TMCO4: variants seen among roughly 807,000 people sequenced by gnomAD.
The protein encoded by TMCO4 is transmembrane and coiled-coil domain-containing protein 4.
A neutral mutation model predicts 64.7 loss-of-function variants in TMCO4; 58 were observed. That is an observed-to-expected ratio of 0.90 (90% confidence interval 0.73 to 1.12). The LOEUF (loss-of-function observed/expected upper bound fraction) is 1.12. TMCO4 is among the 50% of genes most tolerant of loss of function. The probability of loss-of-function intolerance (pLI) is 0.00; values close to 1 mark genes in which losing one functional copy is unlikely to be tolerated. For synonymous variants in TMCO4, 325 were observed against 346.1 expected (o/e 0.94, Z 0.68); for missense variants, 780 against 825.9 (o/e 0.94, Z 0.68).
chr1:19,735,450 G>A (rs1036988733), intron 13 of TMCO4, among the ~76,000 whole-genome samples: 1 of 152,138 alleles, frequency 6.6e-6, no homozygotes, highest in Non-Finnish European at 1.5e-5. Context: ...AGGATCCAGG[G>A]GTGGGAGCAG....
chr1:19,701,204 TC>T (rs34829374), intron 13 of TMCO4: 60,548 of 161,102 alleles, frequency 0.38, 12,471 homozygotes, highest in East Asian at 0.65. Flanking sequence ...GGAGTCTCAC[TC>T]TGTTGCCCCG....
chr1:19,795,313 T>C (rs749492098), intron 2 of TMCO4, among the ~76,000 whole-genome samples: 29 of 151,756 alleles, frequency 1.9e-4, no homozygotes, highest in African/African-American at 5.1e-4. Context: ...CTACTAAAAA[T>C]ACACAAAAAT....
intron 15 of TMCO4, among the ~76,000 whole-genome samples, chr1:19,690,668 G>A (rs1223320559): frequency 1.3e-5 from 2 of 152,168 alleles, no homozygotes; most frequent in Non-Finnish European, 2.9e-5. Context: ...CTGGTCTTGT[G>A]ACTCAGCTTA....
intron 13 of TMCO4, among the ~76,000 whole-genome samples, chr1:19,704,669 G>A (rs987048827): frequency 6.6e-6 from 1 of 152,222 alleles, no homozygotes; most frequent in African/African-American, 2.4e-5. Context: ...GCTAAGAGCT[G>A]GGACTGCTTT....
chr1:19,707,567 G>A (rs1223248953), intron 13 of TMCO4, among the ~76,000 whole-genome samples: 1 of 152,226 alleles, frequency 6.6e-6, no homozygotes, highest in East Asian at 1.9e-4. Context: ...AGATTGCAGT[G>A]AGCAGAGATC....
intron 6 of TMCO4, among the ~76,000 whole-genome samples, chr1:19,765,457 T>C (rs796184281): frequency 7.7e-5 from 2 of 26,098 alleles, no homozygotes; most frequent in African/African-American, 1.3e-3. Context: ...CTAGAGGACA[T>C]TGGAGCCATT....
At chr1:19,702,030 C>T (rs535749068) in intron 13 of TMCO4, among the ~76,000 whole-genome samples, 17 of 152,148 alleles carry the variant, frequency 1.1e-4, no homozygotes, top group Admixed American at 2.0e-4. Flanking sequence ...AGTGCAGTGG[C>T]GCAATCTCGG....
At chr1:19,776,024 C>T (rs897451421) in intron 4 of TMCO4, among the ~76,000 whole-genome samples, 1 of 152,230 alleles carries the variant, frequency 6.6e-6, no homozygotes. Flanking sequence ...TCTTCTACCT[C>T]AGCCACCCAA....
chr1:19,763,970 GATTAAGGGC>G (rs1570944730), intron 6 of TMCO4, among the ~76,000 whole-genome samples: 1 of 152,182 alleles, frequency 6.6e-6, no homozygotes, highest in Non-Finnish European at 1.5e-5. Context: ...GGCTTAGGAC[GATTAAGGGC>G]ATTAAGGCAG....
intron 13 of TMCO4, among the ~76,000 whole-genome samples, chr1:19,708,414 A>C (rs1422945131): frequency 6.6e-6 from 1 of 152,042 alleles, no homozygotes; most frequent in Non-Finnish European, 1.5e-5. Flanking sequence ...AAAAAAAAAA[A>C]ACCCAAGAGC....
At chr1:19,792,277 G>T (rs1053552077) in intron 2 of TMCO4, among the ~76,000 whole-genome samples, 1 of 152,170 alleles carries the variant, frequency 6.6e-6, no homozygotes, top group Non-Finnish European at 1.5e-5. Context: ...GAATAACAGG[G>T]CAAACCCATG....
At chr1:19,781,850 G>A (rs2043501174) in intron 3 of TMCO4, among the ~76,000 whole-genome samples, 1 of 152,086 alleles carries the variant, frequency 6.6e-6, no homozygotes. Context: ...GTTTCACTGT[G>A]TTAGCCAGGA....
chr1:19,770,069 A>AT (rs1157752752), intron 6 of TMCO4, among the ~76,000 whole-genome samples: 4 of 152,180 alleles, frequency 2.6e-5, no homozygotes, highest in South Asian at 2.1e-4. Context: ...AGAGGGGCTG[A>AT]TTTTTTTCTC....
intron 13 of TMCO4, among the ~76,000 whole-genome samples, chr1:19,703,499 TTTC>T (rs1348274978): frequency 2.0e-5 from 3 of 151,010 alleles, no homozygotes; most frequent in Non-Finnish European, 4.4e-5. Context: ...CCTTCTCTCC[TTTC>T]TTTCCTTTCT....
chr1:19,753,967 T>C (rs2042133753), intron 7 of TMCO4, among the ~76,000 whole-genome samples: 1 of 152,228 alleles, frequency 6.6e-6, no homozygotes. Context: ...TATGGACTAG[T>C]TACTCTGTCC....
intron 2 of TMCO4, among the ~76,000 whole-genome samples, chr1:19,795,674 G>A (rs971726168): frequency 6.6e-6 from 1 of 152,132 alleles, no homozygotes; most frequent in African/African-American, 2.4e-5. Context: ...AGAATTGAAG[G>A]TCAAGGTCAC....
chr1:19,683,571 A>T, intron 15 of TMCO4, 127 bp from the exon 16 acceptor site: 1 of 1,031,546 alleles, frequency 9.7e-7, no homozygotes, highest in South Asian at 1.6e-5. Context: ...CACCAAACCC[A>T]TGACTCCATC....
intron 13 of TMCO4, among the ~76,000 whole-genome samples, chr1:19,704,864 G>A (rs1310941690): frequency 6.6e-6 from 1 of 152,182 alleles, no homozygotes; most frequent in Non-Finnish European, 1.5e-5. Context: ...CCTGAGCACA[G>A]CCAAACCAAG....
chr1:19,734,552 C>T lies in TMCO4; in HGVS notation c.1264+2820G>A, dbSNP rs545999776. 1.3e-5 allele frequency among the ~76,000 whole-genome samples: 2 copies of T among 152,232 alleles called. No individual in the cohort carries two copies. Among genetic ancestry groups the T allele is most frequent in the East Asian group, 3.9e-4 (2 of 5,172 alleles). On this transcript the variant is annotated intron_variant, in intron 13 of 15. Transcript: ENST00000294543. This position sits in a 1 kb window ranked among gnomAD's most constrained non-coding sequence, Gnocchi z 4.4. ...AGTTGTTTCCAACTCCTTAGCCTGGCACAGTGCCAGGCTCCCACCCTGACC... is the reference window on the plus strand; with the variant it reads ...AGTTGTTTCCAACTCCTTAGCCTGGTACAGTGCCAGGCTCCCACCCTGACC...
Sources: gnomAD v4.1 joint callset for allele counts (sites outside exome capture counted in the v4.1 genomes callset) on GRCh38, gnomAD v4.1.1 for gene constraint, Gnocchi (gnomAD v3.1) non-coding constraint, MANE v1.5 for transcripts, NCBI Gene and HGNC (gene_info 2026-07-23, HGNC 2026-07-21) for gene names.